Variants in NAALADL2 observed in about 807,000 individuals in gnomAD.
NAALADL2 encodes the protein N-acetylated alpha-linked acidic dipeptidase like 2.
In NAALADL2, 76 loss-of-function variants were observed where a neutral mutation model predicts 87.2. The observed-to-expected ratio is 0.87, with a 90% CI of 0.72 to 1.05. The LOEUF (loss-of-function observed/expected upper bound fraction) is 1.05. Ranked by LOEUF, NAALADL2 falls within the 50% of genes least tolerant of loss-of-function variation. The pLI is 0.00. For missense variants in NAALADL2, 1,089 were observed against 945.8 expected (o/e 1.15, Z -1.99); for synonymous variants, 354 against 331.0 (o/e 1.07, Z -0.75).
intron 2 of NAALADL2, among the ~76,000 whole-genome samples, chr3:174,657,565 C>T (rs894644833): frequency 2.0e-5 from 3 of 152,114 alleles, no homozygotes; most frequent in Non-Finnish European, 2.9e-5. Flanking sequence ...CATGCACAGC[C>T]TCCCCCACTA....
intron 4 of NAALADL2, among the ~76,000 whole-genome samples, chr3:175,295,745 A>ACACACT (rs1369539965): frequency 1.4e-5 from 2 of 145,420 alleles, no homozygotes; most frequent in Admixed American, 6.9e-5. Flanking sequence ...ACACACACAC[A>ACACACT]CTCCCTCTCT....
At chr3:175,597,656 G>C (rs548214126) in intron 10 of NAALADL2, among the ~76,000 whole-genome samples, 205 of 152,004 alleles carry the variant, frequency 1.3e-3, no homozygotes, top group African/African-American at 4.9e-3. Flanking sequence ...TTTGAAGGGT[G>C]TTTAGTAACA....
intron 3 of NAALADL2, among the ~76,000 whole-genome samples, chr3:174,790,717 A>G: frequency 6.6e-6 from 1 of 152,286 alleles, no homozygotes; most frequent in Middle Eastern, 3.4e-3. Context: ...TTTTTCTATA[A>G]TTATGTCAGT....
intron 11 of NAALADL2, among the ~76,000 whole-genome samples, chr3:175,718,962 CATTGA>C (rs1360222063): frequency 2.0e-5 from 3 of 152,092 alleles, no homozygotes; most frequent in African/African-American, 7.2e-5. Flanking sequence ...AAAAGGCTAG[CATTGA>C]ATTTTTTAAA....
At chr3:175,622,066 A>T (rs2149702804) in intron 10 of NAALADL2, among the ~76,000 whole-genome samples, 1 of 152,352 alleles carries the variant, frequency 6.6e-6, no homozygotes, top group East Asian at 1.9e-4. Context: ...GAATTAAAGG[A>T]TAACAATATT....
At chr3:175,471,518 T>C in intron 8 of NAALADL2, 121 bp from the exon 9 acceptor site, 1 of 612,276 alleles carries the variant, frequency 1.6e-6, no homozygotes, top group Non-Finnish European at 2.8e-6. Flanking sequence ...AAAAAGAAGG[T>C]AATTATGCAA....
intron 3 of NAALADL2, among the ~76,000 whole-genome samples, chr3:174,829,439 A>G (rs1028461553): frequency 1.4e-5 from 2 of 145,264 alleles, no homozygotes; most frequent in African/African-American, 5.3e-5. Flanking sequence ...TACAAAGGAC[A>G]TGAACTCATC....
At chr3:174,550,243 A>C (rs529873888) in intron 1 of NAALADL2, among the ~76,000 whole-genome samples, 1 of 152,210 alleles carries the variant, frequency 6.6e-6, no homozygotes, top group Non-Finnish European at 1.5e-5. Context: ...AAAATAAAAA[A>C]GGTTTCCTAG....
chr3:174,603,444 A>C (rs968406154), intron 2 of NAALADL2, among the ~76,000 whole-genome samples: 31 of 151,870 alleles, frequency 2.0e-4, no homozygotes, highest in African/African-American at 7.3e-4. Context: ...CTGTGATATC[A>C]GTTGTAATAT....
At chr3:175,122,834 T>A (rs1415589591) in intron 2 of NAALADL2, among the ~76,000 whole-genome samples, 1 of 151,904 alleles carries the variant, frequency 6.6e-6, no homozygotes, top group East Asian at 1.9e-4. Flanking sequence ...TAGAAATTTA[T>A]TTATCATGGT....
chr3:175,108,926 C>T (rs985810224), intron 2 of NAALADL2, among the ~76,000 whole-genome samples: 1 of 151,602 alleles, frequency 6.6e-6, no homozygotes, highest in African/African-American at 2.4e-5. Flanking sequence ...TTGGGGGTGG[C>T]ATGGGCAGAT....
chr3:174,889,335 C>T (rs1160817349), intron 1 of NAALADL2, among the ~76,000 whole-genome samples: 1 of 152,110 alleles, frequency 6.6e-6, no homozygotes, highest in East Asian at 1.9e-4. Context: ...TTTATAATCT[C>T]TTTTAACTGC....
At chr3:175,239,414 A>T (rs1002979132) in intron 3 of NAALADL2, among the ~76,000 whole-genome samples, 1 of 152,216 alleles carries the variant, frequency 6.6e-6, no homozygotes, top group African/African-American at 2.4e-5. Flanking sequence ...TATGGCTTTT[A>T]TGCAATTTCT....
At chr3:175,449,491 G>T (rs1721224981) in intron 6 of NAALADL2, among the ~76,000 whole-genome samples, 1 of 149,326 alleles carries the variant, frequency 6.7e-6, no homozygotes, top group South Asian at 2.1e-4. Context: ...CGCCTCCCGG[G>T]TTCACACCAT....
intron 1 of NAALADL2, among the ~76,000 whole-genome samples, chr3:175,051,281 G>T (rs1755349854): frequency 6.6e-6 from 1 of 152,138 alleles, no homozygotes; most frequent in South Asian, 2.1e-4. Context: ...CACAAACTTA[G>T]TGGGTTAAAC....
chr3:175,067,824 G>C (rs1423715302), intron 1 of NAALADL2, among the ~76,000 whole-genome samples: 2 of 152,022 alleles, frequency 1.3e-5, no homozygotes, highest in African/African-American at 2.4e-5. Flanking sequence ...AAATAGCAAA[G>C]ACATGGAATC....
rs1212441014 is a variant in NAALADL2, at chr3:174,536,263, TGAAAGATAAGGG to T, written c.-183-14301_-183-14290del. Among the ~76,000 whole-genome samples the T allele has an allele frequency of 7.9e-5, 12 of 152,198 alleles. No individual in the cohort carries two copies. The East Asian group carries it at 1.9e-3, about 25-fold the overall frequency. ...TTGATTTAGAATGTTTTCTACTGATTGAAAGATAAGGGGAAAATAAACTGGGCCATGGCTATT... is the reference window on the plus strand; with the variant it reads ...TTGATTTAGAATGTTTTCTACTGATTGAAAATAAACTGGGCCATGGCTATT... On this transcript the variant is annotated intron_variant, in intron 1 of 3. Coordinates refer to the NAALADL2 transcript ENST00000434257.
At chr3:175,286,152 T>C (rs1269905246) in intron 4 of NAALADL2, among the ~76,000 whole-genome samples, 1 of 152,198 alleles carries the variant, frequency 6.6e-6, no homozygotes, top group African/African-American at 2.4e-5. Flanking sequence ...ATGCACATTT[T>C]AGTTATACAG....
At chr3:174,998,199 T>G (rs1022834468) in intron 1 of NAALADL2, among the ~76,000 whole-genome samples, 3 of 152,326 alleles carry the variant, frequency 2.0e-5, no homozygotes, top group Admixed American at 2.0e-4. Context: ...TGAATTCATT[T>G]GATCCTCACG....
Sources: gnomAD v4.1 joint callset for allele counts (sites outside exome capture counted in the v4.1 genomes callset) on GRCh38, gnomAD v4.1.1 for gene constraint, MANE v1.5 for transcripts, NCBI Gene and HGNC (gene_info 2026-07-23, HGNC 2026-07-21) for gene names.